The following ELMO1 variants were observed in gnomAD, a reference collection of about 807,000 sequenced individuals.
ELMO1 encodes the protein engulfment and cell motility protein 1.
In ELMO1, 26 loss-of-function variants were observed where a neutral mutation model predicts 98.9. That is an observed-to-expected ratio of 0.26 (90% confidence interval 0.19 to 0.36). ELMO1 has a LOEUF of 0.36. Ranked by LOEUF, ELMO1 falls within the 10% of genes least tolerant of loss-of-function variation. The pLI, the probability that ELMO1 is intolerant of heterozygous loss-of-function variation, is 1.00. For synonymous variants in ELMO1, 346 were observed against 346.0 expected, an observed-to-expected ratio of 1.00 and a Z score of 0.00; for missense variants, 627 against 935.2, an observed-to-expected ratio of 0.67 and a Z score of 4.30.
chr7:37,426,138 C>CTTTCT (rs1562684551), intron 1 of ELMO1, among the ~76,000 whole-genome samples: 2 of 97,162 alleles, frequency 2.1e-5, no homozygotes, highest in Non-Finnish European at 4.3e-5. Context: ...CTCTTTTTTT[C>CTTTCT]TTTCTTTTTT....
At chr7:37,011,973 T>G (rs1419989007) in intron 16 of ELMO1, among the ~76,000 whole-genome samples, 1 of 152,204 alleles carries the variant, frequency 6.6e-6, no homozygotes, top group Non-Finnish European at 1.5e-5. Context: ...TCCACTTCCC[T>G]TCTTGAATCA....
At chr7:36,998,690 G>A (rs954761563) in intron 16 of ELMO1, among the ~76,000 whole-genome samples, 10 of 152,018 alleles carry the variant, frequency 6.6e-5, no homozygotes, top group African/African-American at 2.2e-4. Context: ...ACTGTCCACC[G>A]GAGGCCATTC....
intron 15 of ELMO1, among the ~76,000 whole-genome samples, chr7:37,075,434 C>T (rs1024209036): frequency 2.0e-4 from 31 of 152,074 alleles, no homozygotes; most frequent in Non-Finnish European, 3.7e-4. Flanking sequence ...GGGTTACAGG[C>T]GTGAGCCACC....
At chr7:37,135,088 G>A (rs1456994158) in intron 13 of ELMO1, among the ~76,000 whole-genome samples, 1 of 152,134 alleles carries the variant, frequency 6.6e-6, no homozygotes, top group African/African-American at 2.4e-5. Flanking sequence ...TGCCTAAGAG[G>A]AGAAGGCCGG....
intron 4 of ELMO1, among the ~76,000 whole-genome samples, chr7:37,281,418 A>G (rs147010942): frequency 6.4e-4 from 98 of 152,308 alleles, no homozygotes; most frequent in African/African-American, 2.2e-3. Flanking sequence ...ACAATGAGGC[A>G]ATACCCCCCA....
chr7:36,964,461 T>A (rs1227750894), intron 16 of ELMO1, among the ~76,000 whole-genome samples: 1 of 152,216 alleles, frequency 6.6e-6, no homozygotes, highest in Non-Finnish European at 1.5e-5. Flanking sequence ...GTACTCAAAG[T>A]ATGGTTTCCA....
chr7:37,322,379 G>A (rs1799565176), intron 2 of ELMO1, among the ~76,000 whole-genome samples: 1 of 152,030 alleles, frequency 6.6e-6, no homozygotes, highest in Non-Finnish European at 1.5e-5. Context: ...ACATTGGGAG[G>A]CCAAGGCAGA....
chr7:37,190,714 G>A (rs924852363), intron 13 of ELMO1, among the ~76,000 whole-genome samples: 76 of 152,086 alleles, frequency 5.0e-4, no homozygotes, highest in African/African-American at 1.8e-3. Context: ...TGGCCAGGCT[G>A]GTGTCAAACT....
intron 1 of ELMO1, among the ~76,000 whole-genome samples, chr7:37,347,513 T>C (rs945920898): frequency 2.8e-5 from 1 of 35,306 alleles, no homozygotes; most frequent in Admixed American, 3.7e-4. Flanking sequence ...ACTATTCTTA[T>C]GGTATTCTTA....
chr7:36,859,204 T>C (rs1170093047), intron 21 of ELMO1, among the ~76,000 whole-genome samples: 2 of 152,066 alleles, frequency 1.3e-5, no homozygotes, highest in Non-Finnish European at 2.9e-5. Context: ...GAACAAAGTA[T>C]GAAAGAAAAA....
intron 1 of ELMO1, among the ~76,000 whole-genome samples, chr7:37,355,038 G>A (rs1369626639): frequency 2.6e-5 from 4 of 152,202 alleles, no homozygotes; most frequent in Non-Finnish European, 5.9e-5. Flanking sequence ...TCATTCTGAT[G>A]CATAATGCAA....
intron 1 of ELMO1, among the ~76,000 whole-genome samples, chr7:37,368,034 C>T (rs1211355432): frequency 6.6e-6 from 1 of 152,162 alleles, no homozygotes; most frequent in Non-Finnish European, 1.5e-5. Context: ...AGAAAGCTTC[C>T]TTCCTAAAGG....
chr7:37,239,371 T>C (rs1191837750), intron 7 of ELMO1, among the ~76,000 whole-genome samples: 1 of 152,202 alleles, frequency 6.6e-6, no homozygotes, highest in Non-Finnish European at 1.5e-5. Context: ...TTCACCATCT[T>C]GGCCAGGCTG....
chr7:37,116,394 A>T (rs1015424399), intron 14 of ELMO1, among the ~76,000 whole-genome samples: 3 of 152,208 alleles, frequency 2.0e-5, no homozygotes, highest in Non-Finnish European at 4.4e-5. Context: ...AATGGACAAT[A>T]TGGGCTGAAT....
intron 16 of ELMO1, among the ~76,000 whole-genome samples, chr7:36,964,174 G>A (rs993258254): frequency 6.6e-6 from 1 of 152,106 alleles, no homozygotes; most frequent in South Asian, 2.1e-4. Context: ...ATGAATTATT[G>A]TATATGACTC....
chr7:37,254,982 AAAGT>A (rs1197279382), intron 6 of ELMO1, among the ~76,000 whole-genome samples: 5 of 152,198 alleles, frequency 3.3e-5, no homozygotes, highest in African/African-American at 1.2e-4. Context: ...GATGTGTCAT[AAAGT>A]AAGGCCACAG....
Position 37,410,563 on chromosome 7 carries a change from A to T in ELMO1, c.-74+38112T>A, listed in dbSNP as rs1436067884. On this transcript the variant is annotated intron_variant, in intron 1 of 21. Coordinates refer to ENST00000310758, the MANE Select transcript of ELMO1 (RefSeq NM_014800.11). ...CCCCTTAACACACACACAGCCCTAC[A>T]CAGTGGGTCTTCTACAAATGTTATA... Among the ~76,000 whole-genome samples, 3 of 152,210 alleles carry T rather than the reference A, an allele frequency of 2.0e-5. No individual in the cohort carries two copies. In the East Asian group the frequency reaches 5.8e-4, roughly 29 times the overall value.
chr7:37,111,376 G>C (rs1182853401), intron 14 of ELMO1, among the ~76,000 whole-genome samples: 1 of 152,230 alleles, frequency 6.6e-6, no homozygotes, highest in African/African-American at 2.4e-5. Flanking sequence ...GCTGGTGCTA[G>C]AGCAGGCTAA....
intron 10 of ELMO1, among the ~76,000 whole-genome samples, chr7:37,221,746 T>C (rs908947745): frequency 6.6e-6 from 1 of 151,304 alleles, no homozygotes; most frequent in African/African-American, 2.4e-5. Context: ...CAAGCTGGAG[T>C]ACAGCAGTGT....
Sources: allele counts gnomAD v4.1 joint callset (sites outside exome capture counted in the v4.1 genomes callset), GRCh38; gene constraint gnomAD v4.1.1; transcripts MANE v1.5; gene names NCBI Gene and HGNC (gene_info 2026-07-23, HGNC 2026-07-21).